Variants in UBE2N observed in about 807,000 individuals in gnomAD.
The protein encoded by UBE2N is ubiquitin-conjugating enzyme E2 N.
For synonymous variants in UBE2N, 70 were observed against 69.2 expected, an observed-to-expected ratio of 1.01 and a Z score of -0.06; for missense variants, 60 against 192.1, an observed-to-expected ratio of 0.31 and a Z score of 4.07.
chr12:93,413,685 GTTT>G (rs553843197), intron 1 of UBE2N, among the ~76,000 whole-genome samples: 1 of 151,810 alleles, frequency 6.6e-6, no homozygotes, highest in Non-Finnish European at 1.5e-5. Context: ...TGGCAAATTG[GTTT>G]TTTTTATACT....
intron 1 of UBE2N, among the ~76,000 whole-genome samples, chr12:93,430,782 T>C (rs570307752): frequency 2.0e-5 from 3 of 148,010 alleles, no homozygotes; most frequent in Admixed American, 6.8e-5. Context: ...ATATATTTTA[T>C]ATTGTACATA....
At chr12:93,428,921 T>G (rs1055567375) in intron 1 of UBE2N, among the ~76,000 whole-genome samples, 1 of 152,168 alleles carries the variant, frequency 6.6e-6, no homozygotes, top group African/African-American at 2.4e-5. Context: ...CACTTTTAGT[T>G]TAACCCTTAC....
intron 1 of UBE2N, among the ~76,000 whole-genome samples, chr12:93,426,892 C>G (rs889468699): frequency 1.3e-5 from 2 of 151,604 alleles, no homozygotes; most frequent in Non-Finnish European, 2.9e-5. Context: ...TTAAGCTCAT[C>G]GGCTATCATT....
intron 1 of UBE2N, chr12:93,429,313 T>TA: frequency 2.4e-6 from 1 of 419,436 alleles, no homozygotes; most frequent in Non-Finnish European, 4.6e-6. Context: ...CTCAACTTGA[T>TA]ATATAAATGA....
At chr12:93,412,326 C>T (rs1284757199) in intron 1 of UBE2N, among the ~76,000 whole-genome samples, 1 of 152,218 alleles carries the variant, frequency 6.6e-6, no homozygotes, top group Non-Finnish European at 1.5e-5. Flanking sequence ...ATACTTCCAT[C>T]AGTTCCCACT....
At chr12:93,420,252 T>TG (rs1325755670) in intron 1 of UBE2N, among the ~76,000 whole-genome samples, 5 of 152,176 alleles carry the variant, frequency 3.3e-5, no homozygotes, top group African/African-American at 1.2e-4. Flanking sequence ...CTATTCCACT[T>TG]GAAGTAATAA....
At chr12:93,433,176 T>C (rs1198553924) in intron 1 of UBE2N, among the ~76,000 whole-genome samples, 1 of 152,036 alleles carries the variant, frequency 6.6e-6, no homozygotes, top group Non-Finnish European at 1.5e-5. Flanking sequence ...CTTGTGATCC[T>C]CCTGCCTCGG....
At chr12:93,431,282 G>C (rs571251190) in intron 1 of UBE2N, among the ~76,000 whole-genome samples, 36 of 152,254 alleles carry the variant, frequency 2.4e-4, no homozygotes, top group Non-Finnish European at 4.6e-4. Flanking sequence ...AAACAAGTAA[G>C]CTAAGCACTT....
intron 1 of UBE2N, among the ~76,000 whole-genome samples, chr12:93,432,647 G>A (rs922518223): frequency 6.6e-6 from 1 of 151,996 alleles, no homozygotes; most frequent in Non-Finnish European, 1.5e-5. Flanking sequence ...CCCTAGAACT[G>A]TAAAGACTTT....
rs1311430321 is a variant in UBE2N at position 93,409,812 on chromosome 12, G to A, written c.*227C>T. On this transcript the variant is annotated 3_prime_UTR_variant, in exon 4 of 4. Transcript: ENST00000318066. ...CAGGGAGGGGCCACTGCTTTTAAAC[G>A]TTTCACAACAATCCAGATGATACTT... The A allele has an allele frequency of 2.7e-5, 14 of 517,242 alleles. No individual in the cohort carries two copies. The highest frequency in any genetic ancestry group is 4.2e-5 in the Non-Finnish European group (12 of 288,778). The allele number at this position is 517,242 out of a possible 1,614,324, so 32.0% of individuals were successfully genotyped here. A position where few individuals can be genotyped will look rare whatever the true frequency, so the allele number is the denominator to read the frequency against.
At chr12:93,429,987 T>A (rs1828532707) in intron 1 of UBE2N, among the ~76,000 whole-genome samples, 1 of 152,226 alleles carries the variant, frequency 6.6e-6, no homozygotes, top group Non-Finnish European at 1.5e-5. Context: ...GTAGCCTAAG[T>A]GTACAATGCT....
At chr12:93,414,561 C>G (rs1878143525) in intron 1 of UBE2N, among the ~76,000 whole-genome samples, 1 of 151,936 alleles carries the variant, frequency 6.6e-6, no homozygotes, top group Non-Finnish European at 1.5e-5. Context: ...GCTGTTCTCT[C>G]TCCATCCCCT....
At chr12:93,412,384 T>C (rs1403516603) in intron 1 of UBE2N, among the ~76,000 whole-genome samples, 1 of 152,244 alleles carries the variant, frequency 6.6e-6, no homozygotes, top group Non-Finnish European at 1.5e-5. Context: ...ACTCTGGTTT[T>C]TCTCCTGTAT....
At chr12:93,417,378 G>C (rs138428891) in intron 1 of UBE2N, among the ~76,000 whole-genome samples, 1 of 152,248 alleles carries the variant, frequency 6.6e-6, no homozygotes, top group East Asian at 1.9e-4. Context: ...TTATTTTTAA[G>C]TTGAAAAATA....
rs1877786570 is a variant in UBE2N at position 93,405,918 on chromosome 12, T to C, written c.*4121A>G. On this transcript the variant is annotated 3_prime_UTR_variant, in exon 4 of 4. Coordinates refer to ENST00000318066, the MANE Select transcript of UBE2N (RefSeq NM_003348.4). ...TTAGGTACCCTATTATCATGGTATT[T>C]TCTTTTTTGGCCAGCTTTTCTAGAT... 6.6e-6 allele frequency: 1 copy of C among 152,180 alleles called. No individual in the cohort carries two copies. Among genetic ancestry groups the C allele is most frequent in the South Asian group, 2.1e-4 (1 of 4,834 alleles). 9.4% of individuals were successfully genotyped at this position (152,180 alleles called of 1,614,324 possible).
chr12:93,429,533 ATTATT>A (rs761574041), intron 1 of UBE2N, among the ~76,000 whole-genome samples: 29 of 150,582 alleles, frequency 1.9e-4, no homozygotes, highest in Admixed American at 1.6e-3. Context: ...ACTTTTATTG[ATTATT>A]TTAGAGTGTA....
chr12:93,437,788 C>CAACA (rs143243536), intron 1 of UBE2N, among the ~76,000 whole-genome samples: 1,792 of 152,180 alleles, frequency 0.012, 37 homozygotes, highest in African/African-American at 0.04. Context: ...GACTCCGTCT[C>CAACA]AACAAACAAA....
At chr12:93,428,289 A>C (rs1332970635) in intron 1 of UBE2N, among the ~76,000 whole-genome samples, 1 of 152,214 alleles carries the variant, frequency 6.6e-6, no homozygotes, top group Admixed American at 6.5e-5. Context: ...TCAAGTTAAA[A>C]GATTACTTTT....
chr12:93,412,484 T>C (rs1445733299), intron 1 of UBE2N, among the ~76,000 whole-genome samples: 2 of 152,254 alleles, frequency 1.3e-5, no homozygotes, highest in African/African-American at 4.8e-5. Context: ...TTCGGTACCA[T>C]AAAGAAATAG....
Sources: allele counts gnomAD v4.1 joint callset (sites outside exome capture counted in the v4.1 genomes callset), GRCh38; gene constraint gnomAD v4.1.1; transcripts MANE v1.5; gene names NCBI Gene and HGNC (gene_info 2026-07-23, HGNC 2026-07-21).